The following PDZD2 variants were observed in gnomAD, a reference collection of about 807,000 sequenced individuals.
PDZD2 encodes the protein PDZ domain containing 2.
A neutral mutation model predicts 220.7 loss-of-function variants in PDZD2; 90 were observed. The observed-to-expected ratio is 0.41, with a 90% confidence interval of 0.34 to 0.49. PDZD2 has a LOEUF of 0.49. Ranked by LOEUF, PDZD2 falls within the 20% of genes least tolerant of loss-of-function variation. The pLI is 0.28. For synonymous variants in PDZD2, 1,375 were observed against 1,450.5 expected (o/e 0.95, Z 1.18); for missense variants, 3,174 against 3,608.5 (o/e 0.88, Z 3.08).
intron 1 of PDZD2, among the ~76,000 whole-genome samples, chr5:31,714,561 G>A (rs187627636): frequency 6.6e-6 from 1 of 152,242 alleles, no homozygotes; most frequent in Admixed American, 6.5e-5. Context: ...GAAAGGTTTT[G>A]TTTCTTTGTG....
intron 7 of PDZD2, among the ~76,000 whole-genome samples, chr5:32,044,972 G>C (rs1737791299): frequency 6.6e-6 from 1 of 152,214 alleles, no homozygotes; most frequent in South Asian, 2.1e-4. Context: ...AATGTGATCA[G>C]CTCTTAATTT....
intron 21 of PDZD2, among the ~76,000 whole-genome samples, chr5:32,095,297 C>T (rs1260737546): frequency 1.3e-5 from 2 of 152,194 alleles, no homozygotes; most frequent in African/African-American, 4.8e-5. Context: ...CAGAACACGG[C>T]GTTCTTTTCC....
At chr5:31,944,101 C>T (rs1368528899) in intron 2 of PDZD2, among the ~76,000 whole-genome samples, 1 of 152,198 alleles carries the variant, frequency 6.6e-6, no homozygotes, top group Admixed American at 6.5e-5. Flanking sequence ...TACTACATTA[C>T]AAATCTTTAA....
At chr5:31,952,522 T>G (rs1194904329) in intron 2 of PDZD2, among the ~76,000 whole-genome samples, 3 of 152,224 alleles carry the variant, frequency 2.0e-5, no homozygotes, top group Non-Finnish European at 4.4e-5. Flanking sequence ...CAACCTTAAC[T>G]TATTGCATTC....
intron 19 of PDZD2, among the ~76,000 whole-genome samples, chr5:32,086,227 AG>A (rs1742434339): frequency 6.6e-6 from 1 of 152,184 alleles, no homozygotes; most frequent in Non-Finnish European, 1.5e-5. Flanking sequence ...TTTACACTGA[AG>A]TACATCATTC....
chr5:32,025,308 C>T (rs1754550819), intron 6 of PDZD2, among the ~76,000 whole-genome samples: 1 of 151,988 alleles, frequency 6.6e-6, no homozygotes, highest in South Asian at 2.1e-4. Flanking sequence ...GGCGGATCAC[C>T]TGAGGTCAGG....
At chr5:31,863,058 T>C (rs1250131512) in intron 2 of PDZD2, among the ~76,000 whole-genome samples, 1 of 152,130 alleles carries the variant, frequency 6.6e-6, no homozygotes, top group East Asian at 1.9e-4. Flanking sequence ...TTGATTTTTA[T>C]TTTTTAGTAG....
chr5:31,719,274 C>T (rs1015693658), intron 1 of PDZD2, among the ~76,000 whole-genome samples: 2 of 151,968 alleles, frequency 1.3e-5, no homozygotes, highest in African/African-American at 4.8e-5. Flanking sequence ...ACTTTACTAG[C>T]GGAAAATAGG....
intron 2 of PDZD2, among the ~76,000 whole-genome samples, chr5:31,907,675 C>T (rs912212327): frequency 2.6e-5 from 4 of 152,104 alleles, no homozygotes; most frequent in Admixed American, 6.6e-5. Flanking sequence ...ATGTTTCATG[C>T]CTTATGAAGA....
intron 2 of PDZD2, among the ~76,000 whole-genome samples, chr5:31,927,625 T>G (rs1744913771): frequency 6.6e-6 from 1 of 152,140 alleles, no homozygotes; most frequent in Non-Finnish European, 1.5e-5. Flanking sequence ...GCTCAGGTGG[T>G]CCACCTGCCT....
chr5:32,026,457 C>A (rs1754672315), intron 6 of PDZD2, among the ~76,000 whole-genome samples: 1 of 152,152 alleles, frequency 6.6e-6, no homozygotes. Context: ...TCTTAGGGCT[C>A]TTTTACATGC....
chr5:31,742,510 C>A (rs1265776767), intron 1 of PDZD2, among the ~76,000 whole-genome samples: 1 of 151,236 alleles, frequency 6.6e-6, no homozygotes, highest in African/African-American at 2.4e-5. Flanking sequence ...GGAACCCAAC[C>A]CTCAGCAACC....
chr5:31,999,804 G>A lies in PDZD2; in HGVS notation c.1122-335G>A, dbSNP rs1185064164. Among the ~76,000 whole-genome samples the A allele has an allele frequency of 4.6e-5, 7 of 152,256 alleles. No homozygotes were observed. The East Asian group carries it at 5.8e-4, about 13-fold the overall frequency. The stretch of plus-strand genomic sequence containing the variant: ...AGGATGGCAGGGAGGATTAAGAAAC[G>A]AATGACTCGACTCTCCTCAAACCTT... On this transcript the variant is annotated intron_variant, in intron 4 of 24. Transcript: ENST00000438447.
chr5:31,887,010 C>T (rs1339624011), intron 2 of PDZD2, among the ~76,000 whole-genome samples: 1 of 152,174 alleles, frequency 6.6e-6, no homozygotes, highest in South Asian at 2.1e-4. Flanking sequence ...CTGTACTTAT[C>T]TCTTGAATGC....
intron 1 of PDZD2, among the ~76,000 whole-genome samples, chr5:31,678,054 ATG>A (rs1315266821): frequency 1.3e-5 from 2 of 152,200 alleles, no homozygotes. Context: ...TGCTTTAAAT[ATG>A]TGTGGTTTAT....
At chr5:31,877,936 ACCTTGG>A (rs1739456799) in intron 2 of PDZD2, among the ~76,000 whole-genome samples, 1 of 151,916 alleles carries the variant, frequency 6.6e-6, no homozygotes, top group South Asian at 2.1e-4. Flanking sequence ...TGATCCACCC[ACCTTGG>A]CCTCCCAAAG....
At chr5:31,912,320 C>T (rs1270896449) in intron 2 of PDZD2, among the ~76,000 whole-genome samples, 2 of 152,062 alleles carry the variant, frequency 1.3e-5, no homozygotes, top group African/African-American at 4.8e-5. Flanking sequence ...TTCATAAGGA[C>T]ACTAATCCCA....
chr5:31,904,997 C>T (rs1742509448), intron 2 of PDZD2, among the ~76,000 whole-genome samples: 1 of 151,932 alleles, frequency 6.6e-6, no homozygotes, highest in Admixed American at 6.6e-5. Context: ...GAGACAGAGT[C>T]TTGCTCTGTC....
chr5:31,683,222 A>AAGAAAG (rs55751706), intron 1 of PDZD2, among the ~76,000 whole-genome samples: 1 of 148,558 alleles, frequency 6.7e-6, no homozygotes, highest in Admixed American at 6.7e-5. Flanking sequence ...AAAAAAAAAA[A>AAGAAAG]AAAGAAAGAA....
Sources: gnomAD v4.1 joint callset for allele counts (sites outside exome capture counted in the v4.1 genomes callset) on GRCh38, gnomAD v4.1.1 for gene constraint, MANE v1.5 for transcripts, NCBI Gene and HGNC (gene_info 2026-07-23, HGNC 2026-07-21) for gene names.